RBPJ: variants seen among roughly 807,000 people sequenced by gnomAD.
RBPJ encodes recombining binding protein suppressor of hairless.
A neutral mutation model predicts 67.8 loss-of-function variants in RBPJ; 9 were observed. The observed-to-expected ratio is 0.13, with a 90% confidence interval of 0.08 to 0.23. The LOEUF (loss-of-function observed/expected upper bound fraction) is 0.23, where lower values mean the gene tolerates loss of function less well. Ranked by LOEUF, RBPJ falls within the 10% of genes least tolerant of loss-of-function variation. The pLI, the probability that RBPJ is intolerant of heterozygous loss-of-function variation, is 1.00. For missense variants in RBPJ, 305 were observed against 595.6 expected, an observed-to-expected ratio of 0.51 and a Z score of 5.08; for synonymous variants, 198 against 203.3, an observed-to-expected ratio of 0.97 and a Z score of 0.22.
the RBPJ span, among the ~76,000 whole-genome samples, chr4:26,118,210 G>A: frequency 6.6e-6 from 1 of 152,134 alleles, no homozygotes; most frequent in African/African-American, 2.4e-5. Context: ...GGATGCAAAG[G>A]GTTCATAGAG....
chr4:26,143,699 G>C, the RBPJ span, among the ~76,000 whole-genome samples: 2 of 152,240 alleles, frequency 1.3e-5, no homozygotes, highest in African/African-American at 4.8e-5. Flanking sequence ...GGCCAAGGCA[G>C]GTGGATGGCT....
chr4:26,278,533 T>C (rs1027156420), intron 1 of RBPJ, among the ~76,000 whole-genome samples: 4 of 152,222 alleles, frequency 2.6e-5, no homozygotes, highest in East Asian at 1.9e-4. Flanking sequence ...TGAATAACTA[T>C]GGACAGGACA....
chr4:26,133,444 G>A, the RBPJ span, among the ~76,000 whole-genome samples: 8 of 152,206 alleles, frequency 5.3e-5, no homozygotes, highest in African/African-American at 1.9e-4. Context: ...GAGACTCAGA[G>A]TTCAAGGGAC....
At chr4:26,136,445 G>A in the RBPJ span, among the ~76,000 whole-genome samples, 13 of 152,174 alleles carry the variant, frequency 8.5e-5, no homozygotes, top group African/African-American at 1.9e-4. Flanking sequence ...CTGCCATGGC[G>A]TGGAAATTGG....
At position 26,264,320 on chromosome 4, in the gene RBPJ, CTTA is replaced by C. The variant is rs1720641840; in HGVS notation, c.-166-98122_-166-98120del. On this transcript the variant is annotated intron_variant, in intron 1 of 4. Coordinates refer to the RBPJ transcript ENST00000512351. This position sits in a 1 kb window ranked among gnomAD's most constrained non-coding sequence, Gnocchi z 4.1. ...TCTTAGTAATTAATTATTATTAATA[CTTA>C]TTAATTCATTAATCAATGAATACTT... is the stretch of plus-strand genomic sequence containing the variant. Among the ~76,000 whole-genome samples the C allele has an allele frequency of 6.6e-6, 1 of 152,098 alleles. No homozygotes were observed. Among genetic ancestry groups the C allele is most frequent in the Admixed American group, 6.5e-5 (1 of 15,270 alleles).
At chr4:26,402,442 G>C (rs1486503255) in intron 2 of RBPJ, among the ~76,000 whole-genome samples, 1 of 152,152 alleles carries the variant, frequency 6.6e-6, no homozygotes, top group Non-Finnish European at 1.5e-5. Context: ...TACCCTGGAA[G>C]GTATTTCCAG....
the RBPJ span, among the ~76,000 whole-genome samples, chr4:26,158,141 C>T: frequency 6.6e-6 from 1 of 152,218 alleles, no homozygotes; most frequent in Non-Finnish European, 1.5e-5. Context: ...AATAAATACT[C>T]ATCCTATAGG....
chr4:26,270,427 AAG>A (rs57741639), intron 1 of RBPJ, among the ~76,000 whole-genome samples: 3 of 60,226 alleles, frequency 5.0e-5, no homozygotes, highest in Middle Eastern at 0.011. Flanking sequence ...GAAAGAAAGA[AAG>A]AAAGAAAGAA....
At chr4:26,177,637 A>G (rs1045584484) in intron 1 of RBPJ, among the ~76,000 whole-genome samples, 4 of 151,934 alleles carry the variant, frequency 2.6e-5, no homozygotes, top group African/African-American at 4.8e-5. Flanking sequence ...AAGGAGAAAG[A>G]AAGGAAGGAA....
At chr4:26,353,144 T>G (rs1452600838) in intron 1 of RBPJ, among the ~76,000 whole-genome samples, 1 of 152,226 alleles carries the variant, frequency 6.6e-6, no homozygotes, top group Non-Finnish European at 1.5e-5. Context: ...ATTCACCTGT[T>G]GCTAAGGTTT....
At chr4:26,184,098 C>G (rs1285714801) in intron 1 of RBPJ, among the ~76,000 whole-genome samples, 1 of 151,032 alleles carries the variant, frequency 6.6e-6, no homozygotes. Context: ...AGGAGAATCG[C>G]TTGAACCTGG....
rs200910915 is a variant in RBPJ at position 26,322,094 on chromosome 4, G to GC, written c.20+1052dup. On this transcript the variant is annotated intron_variant, in intron 1 of 10. Coordinates refer to ENST00000355476, the MANE Select transcript of RBPJ (RefSeq NM_015874.6). ...GATCTGGTCTCTTGGTGGTTCTTGCGCCCCCCGGCCCCCGCCCCCCTCCTG... is the reference window on the plus strand; with the variant it reads ...GATCTGGTCTCTTGGTGGTTCTTGCGCCCCCCCGGCCCCCGCCCCCCTCCTG... 967 of 152,114 alleles carry GC rather than the reference G, an allele frequency of 6.4e-3. 4 individuals are homozygous for GC. The highest frequency in any genetic ancestry group is 0.01 in the Non-Finnish European group (712 of 68,260). The allele number at this position is 152,114 out of a possible 1,614,324, so 9.4% of individuals were successfully genotyped here.
At chr4:26,345,431 G>A (rs1207044987) in intron 1 of RBPJ, among the ~76,000 whole-genome samples, 2 of 152,158 alleles carry the variant, frequency 1.3e-5, no homozygotes, top group Admixed American at 6.5e-5. Flanking sequence ...GGCTTTCCTC[G>A]TATTGGTCCC....
Position 26,333,554 on chromosome 4 carries a change from T to TA in RBPJ, c.20+12514dup, listed in dbSNP as rs199874760. Among the ~76,000 whole-genome samples the TA allele has an allele frequency of 1.2e-4, 19 of 152,250 alleles. No homozygotes were observed. In the East Asian group the frequency reaches 2.9e-3, roughly 23 times the overall value. ...TTCATTTTTAAAAAGTTTTTTAAAT[T>TA]AAAAAAAATTTTTTTTTTGAGATGG... On this transcript the variant is annotated intron_variant, in intron 1 of 10. Coordinates refer to ENST00000355476, the MANE Select transcript of RBPJ (RefSeq NM_015874.6).
At chr4:26,153,311 C>G in the RBPJ span, among the ~76,000 whole-genome samples, 1 of 152,076 alleles carries the variant, frequency 6.6e-6, no homozygotes, top group Non-Finnish European at 1.5e-5. Flanking sequence ...CATGACAAAC[C>G]GTTAATGCAG....
chr4:26,134,648 G>T, the RBPJ span, among the ~76,000 whole-genome samples: 56 of 152,204 alleles, frequency 3.7e-4, no homozygotes, highest in African/African-American at 1.3e-3. Context: ...GTCCAGAAAT[G>T]TGCGTTTTAC....
chr4:26,210,574 A>G (rs1374229991), intron 1 of RBPJ, among the ~76,000 whole-genome samples: 2 of 152,138 alleles, frequency 1.3e-5, no homozygotes, highest in African/African-American at 4.8e-5. Context: ...TCAAATATCA[A>G]TGAGGCTTTT....
intron 1 of RBPJ, among the ~76,000 whole-genome samples, chr4:26,279,667 G>T (rs1173318668): frequency 2.0e-5 from 3 of 152,106 alleles, no homozygotes; most frequent in Non-Finnish European, 4.4e-5. Context: ...CAGACAAGCG[G>T]TGACGAATTT....
At chr4:26,244,465 A>G (rs1272191046) in intron 1 of RBPJ, among the ~76,000 whole-genome samples, 1 of 149,666 alleles carries the variant, frequency 6.7e-6, no homozygotes, top group Admixed American at 6.6e-5. Flanking sequence ...ATGTGTGTAT[A>G]TATGTATACA....
Sources: gnomAD v4.1 joint callset for allele counts (sites outside exome capture counted in the v4.1 genomes callset) on GRCh38, gnomAD v4.1.1 for gene constraint, Gnocchi (gnomAD v3.1) non-coding constraint, MANE v1.5 for transcripts, NCBI Gene and HGNC (gene_info 2026-07-23, HGNC 2026-07-21) for gene names.